ATP2B2: variants seen among roughly 807,000 people sequenced by gnomAD.
ATP2B2 encodes ATPase plasma membrane Ca2+ transporting 2, also known as plasma membrane calcium-transporting ATPase 2.
In ATP2B2, 15 loss-of-function variants were observed where a neutral mutation model predicts 120.0. The observed-to-expected ratio is 0.12, with a 90% CI of 0.08 to 0.19. The LOEUF is 0.19. Ranked by LOEUF, ATP2B2 falls within the 10% of genes least tolerant of loss-of-function variation. ATP2B2 has a pLI of 1.00. For synonymous variants in ATP2B2, 694 were observed against 700.3 expected, an observed-to-expected ratio of 0.99 and a Z score of 0.14; for missense variants, 1,045 against 1,719.8, an observed-to-expected ratio of 0.61 and a Z score of 6.94.
chr3:10,495,509 G>A (rs1275523896), intron 1 of ATP2B2, among the ~76,000 whole-genome samples: 2 of 152,156 alleles, frequency 1.3e-5, no homozygotes, highest in Admixed American at 6.5e-5. Context: ...GAAATTGCTC[G>A]CTAAACGAGA....
At chr3:10,622,528 G>A (rs533537211) in intron 1 of ATP2B2, among the ~76,000 whole-genome samples, 1 of 152,272 alleles carries the variant, frequency 6.6e-6, no homozygotes, top group South Asian at 2.1e-4. Context: ...GTTCTGGAAT[G>A]ATATGTGAGT....
At chr3:10,453,433 T>C (rs1575274592) in intron 1 of ATP2B2, among the ~76,000 whole-genome samples, 1 of 152,322 alleles carries the variant, frequency 6.6e-6, no homozygotes, top group East Asian at 1.9e-4. Flanking sequence ...CCAAGAGAGA[T>C]GAAGTAAATT....
intron 5 of ATP2B2, among the ~76,000 whole-genome samples, chr3:10,397,473 C>T (rs530863755): frequency 1.1e-4 from 16 of 152,258 alleles, no homozygotes; most frequent in African/African-American, 3.9e-4. Context: ...GGGTCAAGCA[C>T]AAAGTGGAGT....
In ATP2B2 at chr3:10,333,912, T is replaced by C. The variant is rs549702983; in HGVS notation, c.3420+4264A>G. 8.5e-5 allele frequency among the ~76,000 whole-genome samples: 13 copies of C among 152,358 alleles called. No individual in the cohort carries two copies. In the South Asian group the frequency reaches 2.5e-3, roughly 29 times the overall value. ...GGGGTAACCACGGGCTACAGGGGAC[T>C]GATCTGGCCTCGAAGGAGGTCAGTG... On this transcript the variant is annotated intron_variant, in intron 22 of 22. Transcript: ENST00000360273.
intron 16 of ATP2B2, among the ~76,000 whole-genome samples, chr3:10,348,334 A>T: frequency 6.6e-6 from 1 of 152,114 alleles, no homozygotes; most frequent in Middle Eastern, 3.2e-3. Context: ...CTTAAGCAGG[A>T]CAATCCTACA....
chr3:10,638,891 T>G (rs1316745578), intron 1 of ATP2B2, among the ~76,000 whole-genome samples: 1 of 152,192 alleles, frequency 6.6e-6, no homozygotes, highest in Non-Finnish European at 1.5e-5. Context: ...GGAAGTCCAT[T>G]CATAAAGTGG....
chr3:10,332,959 A>G (rs1404563896), intron 22 of ATP2B2, among the ~76,000 whole-genome samples: 4 of 152,146 alleles, frequency 2.6e-5, no homozygotes, highest in African/African-American at 7.2e-5. Flanking sequence ...CTCGTTTTTG[A>G]GTTAGTCAGA....
chr3:10,619,542 TA>T (rs1487792539), intron 2 of ATP2B2, among the ~76,000 whole-genome samples: 1 of 152,192 alleles, frequency 6.6e-6, no homozygotes, highest in African/African-American at 2.4e-5. Flanking sequence ...GGACATTTAG[TA>T]AGCCAAGTGC....
At chr3:10,575,398 A>G (rs546577930) in intron 2 of ATP2B2, among the ~76,000 whole-genome samples, 75 of 152,324 alleles carry the variant, frequency 4.9e-4, no homozygotes, top group African/African-American at 1.7e-3. Flanking sequence ...GTCATTGGGA[A>G]AATGACCTCC....
At chr3:10,457,498 T>TG (rs1193907675) in intron 1 of ATP2B2, among the ~76,000 whole-genome samples, 1 of 151,640 alleles carries the variant, frequency 6.6e-6, no homozygotes, top group Non-Finnish European at 1.5e-5. Context: ...TTGGTGTGAG[T>TG]GACCCCAAAG....
At chr3:10,613,824 A>C (rs2069307468) in intron 2 of ATP2B2, among the ~76,000 whole-genome samples, 7 of 148,950 alleles carry the variant, frequency 4.7e-5, no homozygotes, top group African/African-American at 1.2e-4. Flanking sequence ...CGAGTTCCCC[A>C]CCTCCCCTGG....
At chr3:10,610,886 CTG>C (rs1298248580) in intron 2 of ATP2B2, among the ~76,000 whole-genome samples, 3 of 152,218 alleles carry the variant, frequency 2.0e-5, no homozygotes, top group African/African-American at 7.2e-5. Context: ...TGCCAAGAGA[CTG>C]TGTCAAGCCC....
chr3:10,637,487 A>G (rs1011131210), intron 1 of ATP2B2, among the ~76,000 whole-genome samples: 4 of 152,250 alleles, frequency 2.6e-5, no homozygotes, highest in African/African-American at 9.6e-5. Flanking sequence ...GATGAAAACT[A>G]TGATGTCTGA....
At chr3:10,676,277 C>T (rs2071240980) in intron 1 of ATP2B2, among the ~76,000 whole-genome samples, 2 of 152,180 alleles carry the variant, frequency 1.3e-5, no homozygotes, top group Non-Finnish European at 2.9e-5. Flanking sequence ...TGGACCTCAG[C>T]TGGATCCCCT....
chr3:10,702,954 TTCTCGGG>T (rs1175721493), intron 1 of ATP2B2, among the ~76,000 whole-genome samples: 1 of 152,204 alleles, frequency 6.6e-6, no homozygotes, highest in African/African-American at 2.4e-5. Flanking sequence ...TGCTTCCTAT[TTCTCGGG>T]TCACAGAGCC....
chr3:10,550,535 C>G (rs899855758), intron 2 of ATP2B2, among the ~76,000 whole-genome samples: 4 of 152,070 alleles, frequency 2.6e-5, no homozygotes, highest in Admixed American at 2.0e-4. Context: ...AGGTCTAGTG[C>G]CCTCTGAAGT....
chr3:10,380,909 C>T (rs1423935220), intron 8 of ATP2B2, among the ~76,000 whole-genome samples: 2 of 152,244 alleles, frequency 1.3e-5, no homozygotes, highest in Non-Finnish European at 2.9e-5. Flanking sequence ...TTGCAAGTGT[C>T]ATCTCTTGTC....
chr3:10,352,614 C>T (rs1010839640), intron 14 of ATP2B2, among the ~76,000 whole-genome samples: 1 of 152,242 alleles, frequency 6.6e-6, no homozygotes, highest in Non-Finnish European at 1.5e-5. Flanking sequence ...TTCCAGTGCC[C>T]ACTCGGGGTT....
At position 10,358,743 on chromosome 3, in the gene ATP2B2, T is replaced by G; in HGVS notation, c.2084A>C (p.Asn695Thr). Residue 695 changes from asparagine to threonine, a missense_variant, in exon 14 of 23, where the codon AAC (asparagine) becomes ACC (threonine). Transcript: ENST00000360273. ...CACCACGCAGATGCAGGTGAGTTCG[T>G]TGAGGATGTCATTCTCATTGTCCCA... ...PDWDNENDIL[N>T]ELTCICVVGI... 1.2e-6 allele frequency: 2 copies of G among 1,614,214 alleles called. No homozygotes were observed. The highest frequency in any genetic ancestry group is 1.7e-6 in the Non-Finnish European group (2 of 1,180,022).
Sources: allele counts gnomAD v4.1 joint callset (sites outside exome capture counted in the v4.1 genomes callset), GRCh38; gene constraint gnomAD v4.1.1; transcripts MANE v1.5; gene names NCBI Gene and HGNC (gene_info 2026-07-23, HGNC 2026-07-21).